The following TASP1 variants were observed in gnomAD, a reference collection of about 807,000 sequenced individuals.
TASP1 encodes threonine aspartase 1.
A neutral mutation model predicts 56.6 loss-of-function variants in TASP1; 16 were observed. That is an observed-to-expected ratio of 0.28 (90% confidence interval 0.19 to 0.43). TASP1 has a LOEUF of 0.43. TASP1 is among the 20% of genes least tolerant of loss of function. The pLI, the probability that TASP1 is intolerant of heterozygous loss-of-function variation, is 1.00. For synonymous variants in TASP1, 179 were observed against 184.2 expected (o/e 0.97, Z 0.23); for missense variants, 393 against 511.6 (o/e 0.77, Z 2.24).
chr20:13,481,603 T>TA (rs2043144572), intron 11 of TASP1, among the ~76,000 whole-genome samples: 1 of 152,224 alleles, frequency 6.6e-6, no homozygotes, highest in Admixed American at 6.5e-5. Context: ...ATCTTTTGGA[T>TA]ATAAGTCATT....
chr20:13,302,791 AACAGTGGTAAACAGAGATGCCC>A, the TASP1 span, among the ~76,000 whole-genome samples: 7 of 152,182 alleles, frequency 4.6e-5, no homozygotes, highest in Non-Finnish European at 1.5e-5. Context: ...ATCTGAACAC[AACAGTGGTAAACAGAGATGCCC>A]ACGGCCCTCT....
chr20:13,530,281 C>T (rs1837814503), intron 9 of TASP1, among the ~76,000 whole-genome samples: 1 of 152,186 alleles, frequency 6.6e-6, no homozygotes, highest in Non-Finnish European at 1.5e-5. Context: ...GAAGCAAGAA[C>T]TGAGCGGGAT....
chr20:13,502,830 A>C (rs1218952059), intron 10 of TASP1, among the ~76,000 whole-genome samples: 1 of 152,184 alleles, frequency 6.6e-6, no homozygotes, highest in East Asian at 1.9e-4. Context: ...CCAACAGAGA[A>C]GTTTTAGCAC....
At chr20:13,636,488 T>C (rs2049315903) in intron 1 of TASP1, among the ~76,000 whole-genome samples, 1 of 151,952 alleles carries the variant, frequency 6.6e-6, no homozygotes, top group South Asian at 2.1e-4. Flanking sequence ...CATCGTGATA[T>C]TGAAGGTTTA....
At chr20:13,267,373 T>C in the TASP1 span, among the ~76,000 whole-genome samples, 1 of 152,220 alleles carries the variant, frequency 6.6e-6, no homozygotes, top group Non-Finnish European at 1.5e-5. Flanking sequence ...AGCCAAAACA[T>C]ACTTCAGCCC....
chr20:13,506,975 TA>T (rs1426095194), intron 10 of TASP1, among the ~76,000 whole-genome samples: 1 of 151,594 alleles, frequency 6.6e-6, no homozygotes, highest in Non-Finnish European at 1.5e-5. Context: ...AAGGGAGAAG[TA>T]AAACTGTTAC....
chr20:13,447,890 G>A (rs983995594), intron 11 of TASP1, among the ~76,000 whole-genome samples: 1 of 152,008 alleles, frequency 6.6e-6, no homozygotes, highest in Non-Finnish European at 1.5e-5. Context: ...TGGCTATTAT[G>A]TGTTGCAAAT....
At chr20:13,425,716 T>C (rs555419991) in intron 12 of TASP1, among the ~76,000 whole-genome samples, 1 of 152,258 alleles carries the variant, frequency 6.6e-6, no homozygotes, top group South Asian at 2.1e-4. Context: ...ATTTTTTAAA[T>C]GGGAAGAATG....
chr20:13,209,707 A>G, the TASP1 span, among the ~76,000 whole-genome samples: 2 of 152,228 alleles, frequency 1.3e-5, no homozygotes, highest in East Asian at 3.8e-4. Flanking sequence ...TATCTAGCTT[A>G]TGAAAGTTCT....
chr20:13,581,874 T>C (rs1006028928), intron 5 of TASP1, among the ~76,000 whole-genome samples: 1 of 152,156 alleles, frequency 6.6e-6, no homozygotes, highest in Non-Finnish European at 1.5e-5. Flanking sequence ...AAAACATTTA[T>C]ACAGAGGGTT....
intron 10 of TASP1, among the ~76,000 whole-genome samples, chr20:13,510,284 T>C (rs758678414): frequency 3.3e-5 from 5 of 152,144 alleles, no homozygotes; most frequent in Non-Finnish European, 7.3e-5. Flanking sequence ...TCCACACTAA[T>C]TTTGCAAATG....
Position 13,620,265 on chromosome 20 carries a change from T to TACACACACACACACAC in TASP1, c.282+3165_282+3180dup, listed in dbSNP as rs757563847. The stretch of plus-strand genomic sequence containing the variant: ...TGTGTGTGTGTGTCTCTGTGGTATT[T>TACACACACACACACAC]ACACACACACACACACACACACACA... On this transcript the variant is annotated intron_variant, in intron 4 of 13. Coordinates refer to ENST00000337743, the MANE Select transcript of TASP1 (RefSeq NM_017714.3). Among the ~76,000 whole-genome samples, 420 of 145,758 alleles carry TACACACACACACACAC rather than the reference T, an allele frequency of 2.9e-3. 3 individuals carry two copies. Among genetic ancestry groups the TACACACACACACACAC allele is most frequent in the African/African-American group, 0.01 (399 of 39,180 alleles).
chr20:13,393,027 G>T, intron 13 of TASP1: 3 of 585,754 alleles, frequency 5.1e-6, no homozygotes, highest in Non-Finnish European at 9.5e-6. Flanking sequence ...GAGCCAAAAG[G>T]GTCATCATCT....
At chr20:13,522,668 A>G (rs2044810019) in intron 10 of TASP1, among the ~76,000 whole-genome samples, 2 of 152,164 alleles carry the variant, frequency 1.3e-5, no homozygotes, top group South Asian at 4.1e-4. Flanking sequence ...ATTATAACTC[A>G]GTTATGGAGA....
the TASP1 span, among the ~76,000 whole-genome samples, chr20:13,313,609 A>G: frequency 1.3e-5 from 2 of 152,202 alleles, no homozygotes; most frequent in African/African-American, 2.4e-5. Context: ...TCTTTGCTCA[A>G]TTAAACTCTG....
chr20:13,438,415 T>C (rs1381563976), intron 11 of TASP1, among the ~76,000 whole-genome samples: 1 of 152,234 alleles, frequency 6.6e-6, no homozygotes. Flanking sequence ...AATGATTCCC[T>C]ATTTAATAAA....
At chr20:13,344,566 TTCTGGAATGCTGTCTTTATTCTC>T in the TASP1 span, among the ~76,000 whole-genome samples, 1 of 152,132 alleles carries the variant, frequency 6.6e-6, no homozygotes, top group East Asian at 1.9e-4. Context: ...AGGAGAGGTT[TTCTGGAATGCTGTCTTTATTCTC>T]TCAAAGATCT....
the TASP1 span, among the ~76,000 whole-genome samples, chr20:13,147,707 C>T: frequency 6.6e-6 from 1 of 152,262 alleles, no homozygotes; most frequent in South Asian, 2.1e-4. Context: ...ATGTGACTTC[C>T]CATCTCTAAA....
At chr20:13,240,365 CAAGGAAGGACTTGATGGAA>C in the TASP1 span, among the ~76,000 whole-genome samples, 3 of 152,050 alleles carry the variant, frequency 2.0e-5, no homozygotes, top group African/African-American at 7.2e-5. Context: ...AGAGGGTGGT[CAAGGAAGGACTTGATGGAA>C]AAGTGACACT....
Sources: allele counts gnomAD v4.1 joint callset (sites outside exome capture counted in the v4.1 genomes callset), GRCh38; gene constraint gnomAD v4.1.1; transcripts MANE v1.5; gene names NCBI Gene and HGNC (gene_info 2026-07-23, HGNC 2026-07-21).